Variants in GALNT7 observed in about 807,000 individuals in gnomAD.
GALNT7 encodes the protein polypeptide N-acetylgalactosaminyltransferase 7.
GALNT7 carries 60 observed loss-of-function variants against 82.1 expected under a neutral mutation model. The ratio of observed to expected loss-of-function variants is 0.73; its 90% CI spans 0.59 to 0.91. GALNT7 has a LOEUF of 0.91. GALNT7 is among the 40% of genes least tolerant of loss of function. GALNT7 has a pLI of 0.00. For missense variants in GALNT7, 660 were observed against 804.2 expected, an observed-to-expected ratio of 0.82 and a Z score of 2.17; for synonymous variants, 243 against 275.1, an observed-to-expected ratio of 0.88 and a Z score of 1.15.
chr4:173,182,260 A>G (rs1322577666), intron 1 of GALNT7, among the ~76,000 whole-genome samples: 1 of 152,204 alleles, frequency 6.6e-6, no homozygotes, highest in Non-Finnish European at 1.5e-5. Flanking sequence ...AGGAAGTTGT[A>G]AGTGTCAGTT....
intron 1 of GALNT7, among the ~76,000 whole-genome samples, chr4:173,211,664 G>A (rs917392667): frequency 3.9e-5 from 6 of 152,202 alleles, no homozygotes; most frequent in Admixed American, 6.5e-5. Context: ...GCACGAGCAC[G>A]TGTGCACACA....
At chr4:173,318,849 AGTC>A (rs1737702212) in intron 11 of GALNT7, among the ~76,000 whole-genome samples, 1 of 152,268 alleles carries the variant, frequency 6.6e-6, no homozygotes, top group South Asian at 2.1e-4. Flanking sequence ...TCTGTGAGGC[AGTC>A]ATCACCATTG....
At chr4:173,199,983 C>T (rs893576836) in intron 1 of GALNT7, among the ~76,000 whole-genome samples, 1 of 152,170 alleles carries the variant, frequency 6.6e-6, no homozygotes, top group Non-Finnish European at 1.5e-5. Context: ...CATTATTGAT[C>T]TCTAATTCTT....
At chr4:173,235,976 C>T (rs1734216647) in intron 1 of GALNT7, among the ~76,000 whole-genome samples, 1 of 152,304 alleles carries the variant, frequency 6.6e-6, no homozygotes. Context: ...GCCACAAAAG[C>T]AGGGATGTAT....
In GALNT7 at chr4:173,298,277, G is replaced by A. The variant is rs1484520968; in HGVS notation, c.1128G>A (p.Lys376=). The change falls in exon 6 of 12, where the codon AAG becomes AAA. Residue 376 remains lysine (K), a synonymous_variant. Coordinates refer to ENST00000265000, the MANE Select transcript of GALNT7 (RefSeq NM_017423.3). ...CCCCTCAAGAGAAGAGACTGAGAAAGACAAAAACTGAACCGTATCGGTAAT... is the reference window on the plus strand; with the variant it reads ...CCCCTCAAGAGAAGAGACTGAGAAAAACAAAAACTGAACCGTATCGGTAAT... ...PLTPQEKRLR[K]TKTEPYRSPA... 3.2e-6 allele frequency: 5 copies of A among 1,570,844 alleles called. No homozygotes were observed. Among genetic ancestry groups the A allele is most frequent in the African/African-American group, 1.4e-5 (1 of 72,454 alleles).
intron 1 of GALNT7, among the ~76,000 whole-genome samples, chr4:173,171,317 CTATTGCATATATTCCA>C (rs1731864302): frequency 2.0e-5 from 3 of 152,154 alleles, no homozygotes; most frequent in Non-Finnish European, 4.4e-5. Context: ...ACTTCGATGA[CTATTGCATATATTCCA>C]CCCATGGTGA....
At chr4:173,318,755 C>G (rs918670725) in intron 11 of GALNT7, 196 bp downstream of exon 11, 1 of 442,076 alleles carries the variant, frequency 2.3e-6, no homozygotes. Context: ...CTTTTGTTCT[C>G]TCTTACAATA....
chr4:173,259,168 G>A (rs1012111733), intron 2 of GALNT7, among the ~76,000 whole-genome samples: 2 of 152,190 alleles, frequency 1.3e-5, no homozygotes, highest in African/African-American at 4.8e-5. Flanking sequence ...TTGAGGTAAT[G>A]TTATGGGAGG....
At chr4:173,193,046 G>A (rs1303762201) in intron 1 of GALNT7, among the ~76,000 whole-genome samples, 1 of 152,200 alleles carries the variant, frequency 6.6e-6, no homozygotes. Context: ...TGCCAAGGAA[G>A]CCAGTCTATA....
chr4:173,305,795 TA>T (rs1737136206), intron 8 of GALNT7, among the ~76,000 whole-genome samples: 1 of 152,196 alleles, frequency 6.6e-6, no homozygotes, highest in African/African-American at 2.4e-5. Context: ...TTGATTACTA[TA>T]GCTTAGTAGT....
At chr4:173,299,771 G>A (rs1736849391) in intron 6 of GALNT7, among the ~76,000 whole-genome samples, 1 of 152,010 alleles carries the variant, frequency 6.6e-6, no homozygotes, top group African/African-American at 2.4e-5. Context: ...GCTTGAACCT[G>A]GGAGGTGGAG....
At chr4:173,275,001 C>T (rs1265439335) in intron 2 of GALNT7, among the ~76,000 whole-genome samples, 1 of 152,150 alleles carries the variant, frequency 6.6e-6, no homozygotes. Flanking sequence ...ATGTCCTCAC[C>T]AAAAGGAAAT....
intron 7 of GALNT7, among the ~76,000 whole-genome samples, 153 bp from the exon 8 acceptor site, chr4:173,303,843 A>G (rs1737049191): frequency 6.6e-6 from 1 of 152,184 alleles, no homozygotes; most frequent in African/African-American, 2.4e-5. Flanking sequence ...TGAGCTTTTA[A>G]AAGCAAATTA....
intron 2 of GALNT7, among the ~76,000 whole-genome samples, chr4:173,271,994 A>G (rs1216878792): frequency 1.3e-5 from 2 of 152,132 alleles, no homozygotes; most frequent in African/African-American, 2.4e-5. Flanking sequence ...ATTGTAAACA[A>G]TGCTGTGAGG....
chr4:173,174,410 C>T (rs1019195968), intron 1 of GALNT7, among the ~76,000 whole-genome samples: 5 of 152,184 alleles, frequency 3.3e-5, no homozygotes, highest in African/African-American at 1.2e-4. Context: ...TTTCCTGGTG[C>T]TAATTTTATG....
chr4:173,314,862 T>C (rs529853606), intron 9 of GALNT7, among the ~76,000 whole-genome samples: 1 of 152,312 alleles, frequency 6.6e-6, no homozygotes, highest in Non-Finnish European at 1.5e-5. Flanking sequence ...CGTTCAAGTC[T>C]ACATCCCTCT....
At chr4:173,274,654 A>G (rs1226798620) in intron 2 of GALNT7, among the ~76,000 whole-genome samples, 3 of 152,212 alleles carry the variant, frequency 2.0e-5, no homozygotes, top group Admixed American at 6.5e-5. Context: ...TGAAACTCAC[A>G]TGAGATAACA....
At chr4:173,270,364 GA>G (rs370909403) in intron 2 of GALNT7, among the ~76,000 whole-genome samples, 11 of 150,028 alleles carry the variant, frequency 7.3e-5, no homozygotes, top group African/African-American at 2.2e-4. Context: ...TTTGAAGATT[GA>G]AAAAAAAATG....
intron 2 of GALNT7, among the ~76,000 whole-genome samples, chr4:173,255,823 A>C (rs1299559733): frequency 1.3e-5 from 2 of 152,216 alleles, no homozygotes; most frequent in African/African-American, 4.8e-5. Context: ...TGCAGTGTGC[A>C]TGGCGGAACA....
Sources: allele counts gnomAD v4.1 joint callset (sites outside exome capture counted in the v4.1 genomes callset), GRCh38; gene constraint gnomAD v4.1.1; transcripts MANE v1.5; gene names NCBI Gene and HGNC (gene_info 2026-07-23, HGNC 2026-07-21).